The following SOX6 variants were observed in gnomAD, a reference collection of about 807,000 sequenced individuals.
The protein encoded by SOX6 is SRY-box transcription factor 6.
SOX6 carries 11 observed loss-of-function variants against 97.8 expected under a neutral mutation model. The observed-to-expected ratio is 0.11, with a 90% confidence interval of 0.07 to 0.19. The LOEUF (loss-of-function observed/expected upper bound fraction) is 0.19, where lower values mean the gene tolerates loss of function less well. Among genes scored for constraint, SOX6 ranks in the 10% least tolerant of loss-of-function variants. The pLI, the probability that SOX6 is intolerant of heterozygous loss-of-function variation, is 1.00. For synonymous variants in SOX6, 360 were observed against 371.4 expected, an observed-to-expected ratio of 0.97 and a Z score of 0.35; for missense variants, 810 against 1,039.5, an observed-to-expected ratio of 0.78 and a Z score of 3.04.
chr11:16,460,433 G>A (rs1859900469), intron 1 of SOX6, among the ~76,000 whole-genome samples: 1 of 151,972 alleles, frequency 6.6e-6, no homozygotes, highest in Non-Finnish European at 1.5e-5. Flanking sequence ...ATAGTGTGAA[G>A]GAACGAATGA....
chr11:16,093,271 AG>A (rs2133970382), intron 9 of SOX6, among the ~76,000 whole-genome samples: 1 of 152,094 alleles, frequency 6.6e-6, no homozygotes, highest in East Asian at 1.9e-4. Context: ...AACTAAAAAT[AG>A]CACTCTTTGG....
At chr11:16,318,294 G>C in intron 3 of SOX6, 152 bp downstream of exon 3, 1 of 736,762 alleles carries the variant, frequency 1.4e-6, no homozygotes, top group South Asian at 1.6e-5. Flanking sequence ...ATCAAAATCT[G>C]CCATCACCAT....
rs967465538 is a variant in SOX6 at position 16,474,593 on chromosome 11, G to A, written c.-5+1722C>T. Among the ~76,000 whole-genome samples the A allele has an allele frequency of 2.0e-5, 3 of 152,094 alleles. No individual in the cohort carries two copies. In the East Asian group the frequency reaches 5.8e-4, roughly 29 times the overall value. On this transcript the variant is annotated intron_variant, in intron 1 of 15. Transcript: ENST00000396356. ...CATCTCTAAGGGAATCTTTTTTTCT[G>A]AGTAGTATGTCTCAACAGTGGGCTT...
At chr11:16,178,121 A>G (rs1267397189) in intron 6 of SOX6, among the ~76,000 whole-genome samples, 1 of 151,962 alleles carries the variant, frequency 6.6e-6, no homozygotes, top group African/African-American at 2.4e-5. Context: ...AGCTGATTCC[A>G]TTGAGTAGCT....
chr11:16,097,837 A>G, intron 7 of SOX6, 149 bp from the exon 8 acceptor site: 1 of 765,232 alleles, frequency 1.3e-6, no homozygotes, highest in South Asian at 1.4e-5. Context: ...TTGGGCACAG[A>G]CTTGCAGTGC....
intron 6 of SOX6, among the ~76,000 whole-genome samples, chr11:16,151,053 T>C (rs1850445424): frequency 6.6e-6 from 1 of 152,188 alleles, no homozygotes; most frequent in African/African-American, 2.4e-5. Context: ...GGCAGCCAAT[T>C]AATACTTTTG....
intron 6 of SOX6, among the ~76,000 whole-genome samples, chr11:16,151,171 C>T (rs1292450403): frequency 1.3e-5 from 2 of 151,966 alleles, no homozygotes; most frequent in Non-Finnish European, 2.9e-5. Flanking sequence ...CATTGGGTCA[C>T]AGAAACATCT....
chr11:16,236,011 G>A (rs1028558759), intron 3 of SOX6, among the ~76,000 whole-genome samples: 2 of 151,986 alleles, frequency 1.3e-5, no homozygotes, highest in African/African-American at 4.8e-5. Context: ...TCACAGAGCT[G>A]AAGTTCTTTC....
At chr11:16,061,008 A>G (rs1222091017) in intron 9 of SOX6, among the ~76,000 whole-genome samples, 2 of 151,820 alleles carry the variant, frequency 1.3e-5, no homozygotes, top group Admixed American at 1.3e-4. Context: ...GCATATTAGG[A>G]AGGAAAGACA....
At chr11:16,012,219 G>C (rs1854752877) in intron 13 of SOX6, among the ~76,000 whole-genome samples, 1 of 152,054 alleles carries the variant, frequency 6.6e-6, no homozygotes, top group South Asian at 2.1e-4. Context: ...AGTAGAGAAA[G>C]TATCATATGT....
At chr11:16,487,166 G>T (rs2133129591) in intron 4 of SOX6, among the ~76,000 whole-genome samples, 1 of 152,130 alleles carries the variant, frequency 6.6e-6, no homozygotes, top group African/African-American at 2.4e-5. Context: ...AATGATTTTG[G>T]AGTTTCTGTT....
At chr11:16,688,591 T>C (rs1401144739) in intron 3 of SOX6, among the ~76,000 whole-genome samples, 1 of 152,230 alleles carries the variant, frequency 6.6e-6, no homozygotes, top group African/African-American at 2.4e-5. Context: ...AATCTCATTG[T>C]AGTTTTCATC....
At chr11:16,033,762 C>T (rs1299512739) in intron 12 of SOX6, among the ~76,000 whole-genome samples, 2 of 152,102 alleles carry the variant, frequency 1.3e-5, no homozygotes, top group Admixed American at 1.3e-4. Flanking sequence ...ATTCCAGCTA[C>T]TGGGGCGGCT....
chr11:15,990,184 G>A (rs1057106684), intron 13 of SOX6, among the ~76,000 whole-genome samples: 5 of 151,718 alleles, frequency 3.3e-5, no homozygotes, highest in African/African-American at 7.3e-5. Context: ...TCAGGAATAC[G>A]AGATACCTAA....
rs147334444 is a variant in SOX6, at chr11:16,027,789, C to T, written c.1624-12739G>A. Among the ~76,000 whole-genome samples, 720 of 152,320 alleles carry T rather than the reference C, an allele frequency of 4.7e-3. 3 individuals are homozygous for T. The highest frequency in any genetic ancestry group is 8.4e-3 in the Non-Finnish European group (572 of 68,028). Reference sequence around the variant, plus strand: ...ACGTGTGGGAACACGTACATGCTCACCGCGCATCTAGATTTAATTAGAAGA... The same window carrying T: ...ACGTGTGGGAACACGTACATGCTCATCGCGCATCTAGATTTAATTAGAAGA... On this transcript the variant is annotated intron_variant, in intron 12 of 15. Transcript: ENST00000683767.
chr11:16,573,515 T>C (rs994219705), intron 4 of SOX6, among the ~76,000 whole-genome samples: 6 of 152,162 alleles, frequency 3.9e-5, no homozygotes, highest in Non-Finnish European at 7.4e-5. Context: ...TTCAAAGACT[T>C]TTATAACATA....
intron 2 of SOX6, among the ~76,000 whole-genome samples, chr11:16,326,549 C>T (rs982888098): frequency 1.3e-5 from 2 of 151,966 alleles, no homozygotes; most frequent in African/African-American, 2.4e-5. Flanking sequence ...TAAAAGATGC[C>T]ACAATGCCAA....
intron 4 of SOX6, among the ~76,000 whole-genome samples, chr11:16,527,210 G>A (rs553025017): frequency 6.6e-6 from 1 of 152,096 alleles, no homozygotes; most frequent in South Asian, 2.1e-4. Context: ...CAAAAGAAAA[G>A]GGTCACTGCC....
chr11:16,527,049 C>T (rs1294381608), intron 4 of SOX6, among the ~76,000 whole-genome samples: 7 of 152,052 alleles, frequency 4.6e-5, no homozygotes, highest in African/African-American at 1.7e-4. Flanking sequence ...GAAGCTCCAG[C>T]GGCCAAAAAG....
Sources: gnomAD v4.1 joint callset for allele counts (sites outside exome capture counted in the v4.1 genomes callset) on GRCh38, gnomAD v4.1.1 for gene constraint, MANE v1.5 for transcripts, NCBI Gene and HGNC (gene_info 2026-07-23, HGNC 2026-07-21) for gene names.